KLHL1: variants seen among roughly 807,000 people sequenced by gnomAD.
KLHL1 encodes the protein kelch like family member 1.
A neutral mutation model predicts 77.7 loss-of-function variants in KLHL1; 47 were observed. That is an observed-to-expected ratio of 0.60 (90% confidence interval 0.48 to 0.77). The LOEUF (loss-of-function observed/expected upper bound fraction) is 0.77. KLHL1 is among the 30% of genes least tolerant of loss of function. The pLI is 0.00. For synonymous variants in KLHL1, 360 were observed against 325.2 expected, an observed-to-expected ratio of 1.11 and a Z score of -1.15; for missense variants, 925 against 910.8, an observed-to-expected ratio of 1.02 and a Z score of -0.20.
At chr13:69,808,052 G>T (rs1015996529) in intron 6 of KLHL1, among the ~76,000 whole-genome samples, 1 of 152,078 alleles carries the variant, frequency 6.6e-6, no homozygotes, top group Non-Finnish European at 1.5e-5. Context: ...ATAAGTTAAT[G>T]AAAATGCAAG....
intron 5 of KLHL1, among the ~76,000 whole-genome samples, chr13:69,848,379 G>T (rs1019549875): frequency 2.6e-5 from 4 of 151,402 alleles, no homozygotes; most frequent in African/African-American, 9.7e-5. Context: ...TCAGCCTGCA[G>T]CCTGAAAGAG....
At chr13:69,828,183 C>A (rs1878620787) in intron 6 of KLHL1, among the ~76,000 whole-genome samples, 1 of 149,970 alleles carries the variant, frequency 6.7e-6, no homozygotes, top group Admixed American at 6.7e-5. Flanking sequence ...CCACAGCACA[C>A]TCCATGAACA....
intron 8 of KLHL1, among the ~76,000 whole-genome samples, chr13:69,735,599 A>G (rs1451742557): frequency 2.7e-5 from 4 of 150,156 alleles, no homozygotes; most frequent in Admixed American, 1.3e-4. Context: ...ATTAAAAAAT[A>G]TAAATAAACA....
chr13:69,999,399 C>T (rs1187543036), intron 1 of KLHL1, among the ~76,000 whole-genome samples: 1 of 151,992 alleles, frequency 6.6e-6, no homozygotes, highest in Non-Finnish European at 1.5e-5. Context: ...ATGCATGGGC[C>T]TGGCATCAGC....
intron 7 of KLHL1, among the ~76,000 whole-genome samples, chr13:69,748,243 C>A (rs989823079): frequency 6.6e-6 from 1 of 151,986 alleles, no homozygotes; most frequent in African/African-American, 2.4e-5. Context: ...TCCACTGTTG[C>A]CGCTTGTATC....
At chr13:70,090,909 T>C (rs1295238227) in intron 1 of KLHL1, among the ~76,000 whole-genome samples, 1 of 152,112 alleles carries the variant, frequency 6.6e-6, no homozygotes, top group Non-Finnish European at 1.5e-5. Context: ...AAATATAATA[T>C]CATGAACTTT....
chr13:69,763,545 A>G (rs1026867931), intron 7 of KLHL1, among the ~76,000 whole-genome samples: 1 of 152,228 alleles, frequency 6.6e-6, no homozygotes, highest in Non-Finnish European at 1.5e-5. Context: ...CAAAAACTCA[A>G]ATAAATGTGT....
chr13:69,936,960 C>T (rs536484292), intron 4 of KLHL1, among the ~76,000 whole-genome samples: 1 of 152,164 alleles, frequency 6.6e-6, no homozygotes, highest in Non-Finnish European at 1.5e-5. Context: ...CCTGCAACTG[C>T]CCGTGGAGAA....
At chr13:69,750,277 T>C (rs1043268965) in intron 7 of KLHL1, among the ~76,000 whole-genome samples, 2 of 151,778 alleles carry the variant, frequency 1.3e-5, no homozygotes, top group African/African-American at 2.4e-5. Context: ...CCAGTAAATA[T>C]GTAAAATCAG....
intron 6 of KLHL1, among the ~76,000 whole-genome samples, chr13:69,810,285 T>C (rs1486560524): frequency 2.0e-5 from 3 of 152,118 alleles, no homozygotes; most frequent in Non-Finnish European, 4.4e-5. Context: ...TACACATGCT[T>C]AGCCATAAAG....
intron 1 of KLHL1, among the ~76,000 whole-genome samples, chr13:70,008,295 G>C (rs561124713): frequency 6.6e-6 from 1 of 152,034 alleles, no homozygotes; most frequent in Non-Finnish European, 1.5e-5. Flanking sequence ...ATACAACTTA[G>C]GAAAAACTTC....
intron 1 of KLHL1, among the ~76,000 whole-genome samples, chr13:70,102,128 C>T (rs1049655602): frequency 1.3e-5 from 2 of 152,052 alleles, no homozygotes; most frequent in African/African-American, 4.8e-5. Flanking sequence ...TGGTTATCCC[C>T]TTGACTGAGG....
intron 3 of KLHL1, among the ~76,000 whole-genome samples, chr13:69,959,319 G>T (rs951676230): frequency 6.6e-6 from 1 of 151,936 alleles, no homozygotes; most frequent in Admixed American, 6.6e-5. Context: ...CTGTCTTTTA[G>T]TTGCTGGAAG....
chr13:70,085,783 G>A (rs1007858451), intron 1 of KLHL1, among the ~76,000 whole-genome samples: 3 of 152,134 alleles, frequency 2.0e-5, no homozygotes, highest in African/African-American at 7.2e-5. Flanking sequence ...AGAATCGCTT[G>A]AACCTGGGAG....
chr13:69,788,500 G>C (rs182154088), intron 7 of KLHL1, among the ~76,000 whole-genome samples: 1 of 152,014 alleles, frequency 6.6e-6, no homozygotes, highest in Non-Finnish European at 1.5e-5. Flanking sequence ...ATCACACTTC[G>C]GGGACTGTTG....
chr13:69,861,205 TAATACA>T (rs1226113759), intron 5 of KLHL1, among the ~76,000 whole-genome samples: 1 of 152,112 alleles, frequency 6.6e-6, no homozygotes, highest in Non-Finnish European at 1.5e-5. Flanking sequence ...CATGAACCAA[TAATACA>T]GCAAATTGCT....
intron 5 of KLHL1, among the ~76,000 whole-genome samples, chr13:69,857,083 G>GT (rs1248919717): frequency 1.3e-5 from 2 of 151,912 alleles, no homozygotes; most frequent in African/African-American, 4.8e-5. Context: ...AAAACTCTCC[G>GT]TTTTTTGTCT....
In KLHL1 at chr13:69,811,532, T is replaced by A. The variant is rs112087643; in HGVS notation, c.1415-14570A>T. On this transcript the variant is annotated intron_variant, in intron 6 of 10. Coordinates refer to ENST00000377844, the MANE Select transcript of KLHL1 (RefSeq NM_020866.3). ...CACACAGTCAACACCATACTGAATA[T>A]GCAGAAGCTTAAAGCATTCTTCCTA... Among the ~76,000 whole-genome samples the A allele has an allele frequency of 8.5e-4, 130 of 152,168 alleles. 1 individual carries two copies. Among genetic ancestry groups the A allele is most frequent in the African/African-American group, 3.0e-3 (126 of 41,556 alleles).
rs776833073 is a variant in KLHL1, at chr13:70,107,314, ACCT to A, written c.383_385del (p.Glu128del). ...TCCAGGAAAGTCCATGCCTGGCACC[ACCT>A]CCTCCTCTAGTGACTCCACGTAGAA... is the stretch of plus-strand genomic sequence containing the variant. On this transcript the variant is annotated inframe_deletion, in exon 1 of 11. Transcript: ENST00000377844. 1 of 1,613,822 alleles carries A rather than the reference ACCT, an allele frequency of 6.2e-7. No homozygotes were observed. Among genetic ancestry groups the A allele is most frequent in the South Asian group, 1.1e-5 (1 of 91,068 alleles).
Sources: allele counts gnomAD v4.1 joint callset (sites outside exome capture counted in the v4.1 genomes callset), GRCh38; gene constraint gnomAD v4.1.1; transcripts MANE v1.5; gene names NCBI Gene and HGNC (gene_info 2026-07-23, HGNC 2026-07-21).